SND1: variants seen among roughly 807,000 people sequenced by gnomAD.
The protein encoded by SND1 is staphylococcal nuclease and tudor domain containing 1, also known as staphylococcal nuclease domain-containing protein 1.
In SND1, 38 loss-of-function variants were observed where a neutral mutation model predicts 121.7. That is an observed-to-expected ratio of 0.31 (90% CI 0.24 to 0.41). The LOEUF is 0.41. Ranked by LOEUF, SND1 falls within the 10% of genes least tolerant of loss-of-function variation. SND1 has a pLI of 1.00. For missense variants in SND1, 868 were observed against 1,184.6 expected, an observed-to-expected ratio of 0.73 and a Z score of 3.92; for synonymous variants, 401 against 447.4, an observed-to-expected ratio of 0.90 and a Z score of 1.31.
intron 7 of SND1, among the ~76,000 whole-genome samples, chr7:127,704,048 C>T (rs1796149097): frequency 6.6e-6 from 1 of 152,210 alleles, no homozygotes. Context: ...CCAGCTACCT[C>T]CTAACTCTGC....
At chr7:128,045,189 T>C (rs1169224893) in intron 16 of SND1, among the ~76,000 whole-genome samples, 3 of 152,192 alleles carry the variant, frequency 2.0e-5, no homozygotes. Context: ...ACTTTCTGTT[T>C]CTTGACTTCA....
chr7:127,925,587 A>G (rs892178317), intron 14 of SND1, among the ~76,000 whole-genome samples: 5 of 151,726 alleles, frequency 3.3e-5, no homozygotes, highest in East Asian at 1.9e-4. Context: ...CTTTATTTAT[A>G]TATATGGTTG....
intron 15 of SND1, among the ~76,000 whole-genome samples, chr7:127,935,203 G>A (rs924329109): frequency 6.6e-6 from 1 of 152,144 alleles, no homozygotes; most frequent in Non-Finnish European, 1.5e-5. Flanking sequence ...AGTACAGATT[G>A]CACTTCCCTG....
At chr7:127,904,717 T>A (rs1185999743) in intron 13 of SND1, 30 bp from the exon 14 acceptor site, 1 of 1,503,282 alleles carries the variant, frequency 6.7e-7, no homozygotes, top group Non-Finnish European at 9.3e-7. Context: ...GATTCTTGTT[T>A]TAATCGGTTT....
chr7:128,050,604 G>A (rs1210963977), intron 16 of SND1, among the ~76,000 whole-genome samples: 2 of 152,144 alleles, frequency 1.3e-5, no homozygotes, highest in Non-Finnish European at 2.9e-5. Context: ...AGCAATACTT[G>A]AGAAAAGCTC....
intron 12 of SND1, among the ~76,000 whole-genome samples, chr7:127,866,449 T>G (rs1799478432): frequency 7.0e-6 from 1 of 142,620 alleles, no homozygotes; most frequent in African/African-American, 2.5e-5. Context: ...AGGTGTTTGA[T>G]GCTGCCTAGG....
chr7:127,755,728 G>A (rs1797183127), intron 10 of SND1, among the ~76,000 whole-genome samples: 2 of 152,218 alleles, frequency 1.3e-5, no homozygotes, highest in Non-Finnish European at 2.9e-5. Context: ...GGAAGCTGCC[G>A]GTTTCAGACC....
At chr7:127,684,574 G>A (rs974023864) in intron 1 of SND1, among the ~76,000 whole-genome samples, 16 of 152,104 alleles carry the variant, frequency 1.1e-4, no homozygotes, top group African/African-American at 3.9e-4. Context: ...CTCTACTCTA[G>A]TATACCTGTT....
chr7:127,868,716 A>T (rs527332149), intron 12 of SND1, among the ~76,000 whole-genome samples: 25 of 152,354 alleles, frequency 1.6e-4, no homozygotes, highest in South Asian at 6.2e-4. Flanking sequence ...CTAAAGCCAG[A>T]CTTGGAATTT....
intron 15 of SND1, among the ~76,000 whole-genome samples, chr7:127,966,079 A>T (rs1269229151): frequency 2.1e-4 from 30 of 141,030 alleles, no homozygotes; most frequent in African/African-American, 7.3e-4. Context: ...GGTAGTTTGT[A>T]TTTCTGTGGG....
In SND1 at chr7:127,652,346, T is replaced by G. The variant is rs774578928; in HGVS notation, c.-28T>G. 7 of 1,575,152 alleles carry G rather than the reference T, an allele frequency of 4.4e-6. No homozygotes were observed. The East Asian group carries it at 1.4e-4, about 31-fold the overall frequency. On this transcript the variant is annotated 5_prime_UTR_variant, in exon 1 of 24. Transcript: ENST00000354725. ...TGACACCTCCAGTCCGGCCAGCCGC[T>G]CCACTCGTTGCCTTTGCATCTCCAC... is the stretch of plus-strand genomic sequence containing the variant.
intron 1 of SND1, among the ~76,000 whole-genome samples, chr7:127,654,170 G>A (rs1338610960): frequency 6.6e-6 from 1 of 152,062 alleles, no homozygotes; most frequent in Non-Finnish European, 1.5e-5. Context: ...AGGCTTTTAG[G>A]GCATCTGGAT....
chr7:127,826,473 A>G (rs1392293662), intron 11 of SND1, among the ~76,000 whole-genome samples: 1 of 152,234 alleles, frequency 6.6e-6, no homozygotes, highest in East Asian at 1.9e-4. Flanking sequence ...GAAGAGTTAA[A>G]GACAAAAATC....
intron 14 of SND1, among the ~76,000 whole-genome samples, chr7:127,923,969 T>C (rs1429428972): frequency 6.7e-6 from 1 of 149,334 alleles, no homozygotes; most frequent in Non-Finnish European, 1.5e-5. Flanking sequence ...CCTTAACGAT[T>C]CGTTCTGATC....
chr7:128,048,284 A>G (rs1040871760), intron 16 of SND1, among the ~76,000 whole-genome samples: 1 of 144,396 alleles, frequency 6.9e-6, no homozygotes, highest in Non-Finnish European at 1.5e-5. Context: ...TTTTTTTTCC[A>G]ATTCAGGAAA....
At chr7:127,771,246 C>A (rs150792829) in intron 10 of SND1, among the ~76,000 whole-genome samples, 30 of 152,176 alleles carry the variant, frequency 2.0e-4, no homozygotes, top group African/African-American at 7.0e-4. Flanking sequence ...AGCTTGGGGG[C>A]CACAGGCTAA....
intron 13 of SND1, 25 bp from the exon 14 acceptor site, chr7:127,904,720 ATC>A: frequency 1.3e-6 from 2 of 1,522,820 alleles, no homozygotes; most frequent in Non-Finnish European, 9.1e-7. Context: ...TCTTGTTTTA[ATC>A]GGTTTTTCTC....
chr7:127,768,976 A>G (rs1174177861), intron 10 of SND1, among the ~76,000 whole-genome samples: 1 of 152,186 alleles, frequency 6.6e-6, no homozygotes, highest in African/African-American at 2.4e-5. Context: ...CTCCTCTCCT[A>G]CCTTCTTTAT....
chr7:128,089,336 G>A (rs1321675953), intron 21 of SND1, among the ~76,000 whole-genome samples, 153 bp from the exon 22 acceptor site: 2 of 152,204 alleles, frequency 1.3e-5, no homozygotes, highest in Non-Finnish European at 2.9e-5. Flanking sequence ...TTACAGGCAT[G>A]AGCCACCGTG....
Sources: allele counts gnomAD v4.1 joint callset (sites outside exome capture counted in the v4.1 genomes callset), GRCh38; gene constraint gnomAD v4.1.1; transcripts MANE v1.5; gene names NCBI Gene and HGNC (gene_info 2026-07-23, HGNC 2026-07-21).